Variants in BABAM2 observed in about 807,000 individuals in gnomAD.
BABAM2 encodes BRISC and BRCA1 A complex member 2.
Under a neutral mutation model 54.7 loss-of-function variants are expected in BABAM2, and 31 were observed. The observed-to-expected ratio is 0.57, with a 90% CI of 0.43 to 0.77. The LOEUF (loss-of-function observed/expected upper bound fraction) is 0.77, where lower values mean the gene tolerates loss of function less well. BABAM2 is among the 30% of genes least tolerant of loss of function. The pLI, the probability that BABAM2 is intolerant of heterozygous loss-of-function variation, is 0.00. For missense variants in BABAM2, 364 were observed against 455.8 expected (o/e 0.80, Z 1.83); for synonymous variants, 167 against 162.9 (o/e 1.03, Z -0.19).
At position 28,013,255 on chromosome 2, in the gene BABAM2, T is replaced by G. The variant is rs1674527288; in HGVS notation, c.301-11971T>G. ...GCCACCTCCAAAGATTCTGACACCC[T>G]GGCACAAAATTGAGATGATAAATTC... On this transcript the variant is annotated intron_variant, in intron 4 of 11. Transcript: ENST00000379624. 9 of 420,046 alleles carry G rather than the reference T, an allele frequency of 2.1e-5. 1 individual carries two copies. Among genetic ancestry groups the G allele is most frequent in the South Asian group, 1.5e-4 (9 of 58,840 alleles). The allele number at this position is 420,046 out of a possible 1,614,324, so 26.0% of individuals were successfully genotyped here.
intron 11 of BABAM2, among the ~76,000 whole-genome samples, chr2:28,328,419 C>T (rs1047285229): frequency 4.6e-5 from 7 of 152,136 alleles, no homozygotes; most frequent in African/African-American, 1.2e-4. Context: ...CAAAAATGAC[C>T]TCTGACTTGA....
intron 6 of BABAM2, among the ~76,000 whole-genome samples, chr2:28,097,870 C>A (rs555055589): frequency 6.6e-6 from 1 of 152,356 alleles, no homozygotes; most frequent in Admixed American, 6.5e-5. Context: ...ACTTTCCCCT[C>A]TGTAATCGGA....
intron 3 of BABAM2, among the ~76,000 whole-genome samples, chr2:27,964,367 A>T (rs571587689): frequency 6.6e-6 from 1 of 152,384 alleles, no homozygotes; most frequent in African/African-American, 2.4e-5. Flanking sequence ...TGATAGTAAC[A>T]CAAAACAGAT....
intron 10 of BABAM2, among the ~76,000 whole-genome samples, chr2:28,293,489 G>A (rs1687452684): frequency 6.6e-6 from 1 of 152,200 alleles, no homozygotes; most frequent in Admixed American, 6.5e-5. Flanking sequence ...TTCCCCCAAA[G>A]CTGCATGGTT....
At chr2:28,184,850 A>G (rs1050760013) in intron 7 of BABAM2, among the ~76,000 whole-genome samples, 1 of 152,228 alleles carries the variant, frequency 6.6e-6, no homozygotes, top group Non-Finnish European at 1.5e-5. Flanking sequence ...TGTAGGAACT[A>G]TTTAATGTTA....
intron 6 of BABAM2, among the ~76,000 whole-genome samples, chr2:28,109,011 T>C (rs1667760444): frequency 6.6e-6 from 1 of 152,126 alleles, no homozygotes; most frequent in Non-Finnish European, 1.5e-5. Context: ...TTACAAACTT[T>C]ACTTTTTAAT....
Position 28,206,883 on chromosome 2 carries a change from C to G in BABAM2, c.681-30319C>G, listed in dbSNP as rs528035421. ...GTTTAGTACCATTACAACAACTACT[C>G]CCCCTACTATTGCTGCTGCTATTAT... On this transcript the variant is annotated intron_variant, in intron 7 of 11. Transcript: ENST00000379624. Among the ~76,000 whole-genome samples, 4 of 152,294 alleles carry G rather than the reference C, an allele frequency of 2.6e-5. No homozygotes were observed. In the South Asian group the frequency reaches 8.3e-4, roughly 32 times the overall value.
At chr2:27,986,066 G>A (rs1672376969) in intron 3 of BABAM2, among the ~76,000 whole-genome samples, 1 of 152,102 alleles carries the variant, frequency 6.6e-6, no homozygotes, top group Non-Finnish European at 1.5e-5. Context: ...TGATGTCATA[G>A]TATTTGGAGG....
At chr2:28,215,656 T>C (rs1228465693) in intron 7 of BABAM2, among the ~76,000 whole-genome samples, 1 of 6,276 alleles carries the variant, frequency 1.6e-4, no homozygotes, top group Non-Finnish European at 0.011. Context: ...TCCTTCCCTT[T>C]GTCATTTATT....
At chr2:28,060,811 A>T (rs1276465673) in intron 6 of BABAM2, among the ~76,000 whole-genome samples, 1 of 152,198 alleles carries the variant, frequency 6.6e-6, no homozygotes, top group Non-Finnish European at 1.5e-5. Context: ...ACTACAAAAC[A>T]TTGCTGAGAG....
At chr2:28,007,713 T>A (rs1356530167) in intron 4 of BABAM2, among the ~76,000 whole-genome samples, 1 of 152,194 alleles carries the variant, frequency 6.6e-6, no homozygotes, top group African/African-American at 2.4e-5. Flanking sequence ...TTTTTATAAC[T>A]ATTTTTACTT....
intron 6 of BABAM2, among the ~76,000 whole-genome samples, chr2:28,120,077 A>G (rs1419558243): frequency 2.6e-5 from 4 of 152,218 alleles, no homozygotes; most frequent in Non-Finnish European, 5.9e-5. Flanking sequence ...TGTCAGGTGA[A>G]TACATTTAAT....
chr2:27,889,787 A>G (rs555631948), upstream of BABAM2, among the ~76,000 whole-genome samples: 1 of 152,356 alleles, frequency 6.6e-6, no homozygotes, highest in African/African-American at 2.4e-5. Context: ...ATTATTTTAT[A>G]CAATAAGCTC....
intron 4 of BABAM2, among the ~76,000 whole-genome samples, chr2:28,023,496 G>T (rs913644793): frequency 3.9e-5 from 6 of 152,182 alleles, no homozygotes; most frequent in African/African-American, 1.4e-4. Flanking sequence ...GTCTTGAACA[G>T]CTCAGAAGGA....
intron 7 of BABAM2, among the ~76,000 whole-genome samples, chr2:28,170,043 A>G (rs1313826484): frequency 6.6e-6 from 1 of 152,156 alleles, no homozygotes; most frequent in Non-Finnish European, 1.5e-5. Flanking sequence ...ATTTCAGACA[A>G]TAAATTTTTA....
intron 10 of BABAM2, among the ~76,000 whole-genome samples, chr2:28,248,196 A>ATTTTCT (rs147323780): frequency 0.011 from 1,110 of 101,192 alleles, 206 homozygotes; most frequent in East Asian, 0.021. Flanking sequence ...GCTTTTGTTT[A>ATTTTCT]TTTTCTTTTT....
At chr2:27,963,496 A>C (rs1236921892) in intron 3 of BABAM2, among the ~76,000 whole-genome samples, 1 of 151,464 alleles carries the variant, frequency 6.6e-6, no homozygotes, top group Non-Finnish European at 1.5e-5. Context: ...AAAAAAAAGA[A>C]AAAGAAAAGA....
rs562810895 is a variant in BABAM2, at chr2:28,001,646, CAT to C, written c.300+13561_300+13562del. Among the ~76,000 whole-genome samples, 11 of 152,238 alleles carry C rather than the reference CAT, an allele frequency of 7.2e-5. No individual in the cohort carries two copies. In the East Asian group the frequency reaches 1.9e-3, roughly 27 times the overall value. ...ACAGTTCTGCAGGCTGTACAGGAAACATAGTGCTGGCATCTGCTTCTGGAAAG... is the reference window on the plus strand; with the variant it reads ...ACAGTTCTGCAGGCTGTACAGGAAACAGTGCTGGCATCTGCTTCTGGAAAG... On this transcript the variant is annotated intron_variant, in intron 4 of 11. Coordinates refer to ENST00000379624, the MANE Select transcript of BABAM2 (RefSeq NM_199191.3).
At chr2:28,206,479 C>T (rs1678853259) in intron 7 of BABAM2, among the ~76,000 whole-genome samples, 1 of 152,074 alleles carries the variant, frequency 6.6e-6, no homozygotes, top group African/African-American at 2.4e-5. Flanking sequence ...TACAATTGTC[C>T]ATACCTTTTC....
Sources: gnomAD v4.1 joint callset for allele counts (sites outside exome capture counted in the v4.1 genomes callset) on GRCh38, gnomAD v4.1.1 for gene constraint, MANE v1.5 for transcripts, NCBI Gene and HGNC (gene_info 2026-07-23, HGNC 2026-07-21) for gene names.